Variants in SUCLG2 observed in about 807,000 individuals in gnomAD.
SUCLG2 encodes the protein succinate--CoA ligase [GDP-forming] subunit beta, mitochondrial.
In SUCLG2, 42 loss-of-function variants were observed where a neutral mutation model predicts 47.9. That is an observed-to-expected ratio of 0.88 (90% confidence interval 0.69 to 1.14). The LOEUF is 1.14. Among genes scored for constraint, SUCLG2 ranks in the 50% most tolerant of loss-of-function variants. SUCLG2 has a pLI of 0.00. For synonymous variants in SUCLG2, 195 were observed against 197.3 expected (o/e 0.99, Z 0.10); for missense variants, 571 against 525.9 (o/e 1.09, Z -0.84).
chr3:67,387,796 A>T (rs1247510733), intron 10 of SUCLG2, among the ~76,000 whole-genome samples: 2 of 152,192 alleles, frequency 1.3e-5, no homozygotes, highest in African/African-American at 4.8e-5. Flanking sequence ...TTAGATGATC[A>T]GATTTGAATC....
intron 6 of SUCLG2, among the ~76,000 whole-genome samples, chr3:67,516,056 G>A (rs1029260793): frequency 6.6e-6 from 1 of 152,026 alleles, no homozygotes; most frequent in Admixed American, 6.6e-5. Context: ...GAGCCCCTGA[G>A]GAACAATGGT....
At chr3:67,642,918 C>CTGTGTGTGTGTGTGTGTG (rs3221813) in intron 1 of SUCLG2, among the ~76,000 whole-genome samples, 2 of 146,512 alleles carry the variant, frequency 1.4e-5, no homozygotes, top group African/African-American at 5.0e-5. Flanking sequence ...GAAAAGGACT[C>CTGTGTGTGTGTGTGTGTG]TGTGTGTGTG....
At chr3:67,600,923 C>T (rs1708405312) in intron 2 of SUCLG2, among the ~76,000 whole-genome samples, 1 of 152,200 alleles carries the variant, frequency 6.6e-6, no homozygotes, top group Admixed American at 6.5e-5. Context: ...CTTCTTCTTG[C>T]ACCAGGCTAC....
intron 9 of SUCLG2, among the ~76,000 whole-genome samples, chr3:67,462,746 G>C (rs560236137): frequency 2.6e-5 from 4 of 152,186 alleles, no homozygotes; most frequent in African/African-American, 4.8e-5. Context: ...ATTTATAGCC[G>C]GTTGGTGAGA....
chr3:67,601,458 C>T (rs946266704), intron 2 of SUCLG2, among the ~76,000 whole-genome samples: 7 of 152,152 alleles, frequency 4.6e-5, no homozygotes, highest in East Asian at 1.9e-4. Flanking sequence ...CCAGACAGAG[C>T]GATCACAGCA....
intron 9 of SUCLG2, among the ~76,000 whole-genome samples, chr3:67,463,901 G>C (rs533990767): frequency 2.0e-5 from 3 of 152,360 alleles, no homozygotes; most frequent in East Asian, 3.9e-4. Context: ...CTGACAGAGG[G>C]AGAAATAATC....
downstream of SUCLG2, among the ~76,000 whole-genome samples, chr3:67,372,774 C>G (rs1218028183): frequency 2.6e-5 from 4 of 152,104 alleles, no homozygotes; most frequent in African/African-American, 9.7e-5. Flanking sequence ...CTTCCTTTCT[C>G]AGGTTTGAAA....
At chr3:67,386,996 C>T (rs910634874) in intron 10 of SUCLG2, among the ~76,000 whole-genome samples, 25 of 152,146 alleles carry the variant, frequency 1.6e-4, no homozygotes, top group African/African-American at 6.0e-4. Context: ...TCTCTTTCTT[C>T]TTCCACTCTC....
At chr3:67,647,067 A>G (rs910490083) in intron 1 of SUCLG2, among the ~76,000 whole-genome samples, 1 of 152,052 alleles carries the variant, frequency 6.6e-6, no homozygotes, top group African/African-American at 2.4e-5. Flanking sequence ...GAACCTCCTT[A>G]GGGCTCTCAA....
At chr3:67,482,862 G>T (rs563845988) in intron 9 of SUCLG2, among the ~76,000 whole-genome samples, 1 of 152,126 alleles carries the variant, frequency 6.6e-6, no homozygotes, top group African/African-American at 2.4e-5. Flanking sequence ...TGCTGTTTAC[G>T]ATCTTCAGGC....
intron 2 of SUCLG2, among the ~76,000 whole-genome samples, chr3:67,534,076 A>G (rs930099301): frequency 1.1e-4 from 16 of 152,202 alleles, no homozygotes; most frequent in Non-Finnish European, 2.1e-4. Flanking sequence ...ACTTTCAAGT[A>G]TAAGTACAAG....
At chr3:67,469,447 T>C (rs946339439) in intron 9 of SUCLG2, among the ~76,000 whole-genome samples, 1 of 152,172 alleles carries the variant, frequency 6.6e-6, no homozygotes, top group Admixed American at 6.5e-5. Flanking sequence ...TAATTTTTTT[T>C]GGCTGGGTGC....
At chr3:67,576,642 C>T (rs1707750272) in intron 2 of SUCLG2, among the ~76,000 whole-genome samples, 1 of 152,178 alleles carries the variant, frequency 6.6e-6, no homozygotes, top group African/African-American at 2.4e-5. Context: ...TGGAGATCAT[C>T]TTAAGGAAAT....
intron 2 of SUCLG2, among the ~76,000 whole-genome samples, chr3:67,581,465 T>G (rs1277906430): frequency 6.6e-6 from 1 of 152,204 alleles, no homozygotes; most frequent in Non-Finnish European, 1.5e-5. Context: ...GATTAAACAT[T>G]CAGTATTTTT....
In SUCLG2 at chr3:67,364,364, C is replaced by T. The variant is rs1480525499; in HGVS notation, c.1184-3596G>A. On this transcript the variant is annotated intron_variant, in intron 10 of 10. Coordinates refer to the SUCLG2 transcript ENST00000493112. ...CCACCCCTGCTCAGCGGTAAAGAGG[C>T]ATCCCCCCCAACTATTCACTGTTGT... Among the ~76,000 whole-genome samples the T allele has an allele frequency of 3.9e-5, 6 of 152,182 alleles. 1 individual carries two copies. In the South Asian group the frequency reaches 1.0e-3, roughly 26 times the overall value.
chr3:67,598,338 A>G (rs921894800), intron 2 of SUCLG2, among the ~76,000 whole-genome samples: 1 of 152,178 alleles, frequency 6.6e-6, no homozygotes, highest in Admixed American at 6.5e-5. Flanking sequence ...AGCTGCTATC[A>G]AAGAGTCATC....
intron 9 of SUCLG2, among the ~76,000 whole-genome samples, chr3:67,472,422 T>C (rs1178988525): frequency 6.6e-6 from 1 of 152,184 alleles, no homozygotes; most frequent in Non-Finnish European, 1.5e-5. Context: ...ATACTGGATT[T>C]TACTCTATAA....
intron 9 of SUCLG2, among the ~76,000 whole-genome samples, chr3:67,424,820 T>C (rs1236354546): frequency 1.3e-5 from 2 of 152,142 alleles, no homozygotes; most frequent in African/African-American, 2.4e-5. Flanking sequence ...GCAGCATTCC[T>C]TGCCCTCCAA....
chr3:67,374,395 T>C (rs6779718), downstream of SUCLG2, among the ~76,000 whole-genome samples: 100,608 of 152,112 alleles, frequency 0.66, 33,406 homozygotes, highest in Middle Eastern at 0.83. Context: ...GGAAAATTAA[T>C]GGTGGCAATT....
Sources: allele counts gnomAD v4.1 joint callset (sites outside exome capture counted in the v4.1 genomes callset), GRCh38; gene constraint gnomAD v4.1.1; transcripts MANE v1.5; gene names NCBI Gene and HGNC (gene_info 2026-07-23, HGNC 2026-07-21).